The following SPECC1L variants were observed in gnomAD, a reference collection of about 807,000 sequenced individuals.
SPECC1L encodes the protein cytospin-A.
Under a neutral mutation model 116.8 loss-of-function variants are expected in SPECC1L, and 40 were observed. That is an observed-to-expected ratio of 0.34 (90% confidence interval 0.27 to 0.45). The LOEUF is 0.45. Ranked by LOEUF, SPECC1L falls within the 20% of genes least tolerant of loss-of-function variation. SPECC1L has a pLI of 1.00. For synonymous variants in SPECC1L, 504 were observed against 500.6 expected (o/e 1.01, Z -0.09); for missense variants, 1,110 against 1,373.6 (o/e 0.81, Z 3.03).
intron 2 of SPECC1L, among the ~76,000 whole-genome samples, chr22:24,283,453 C>G (rs1265853593): frequency 1.3e-5 from 2 of 152,108 alleles, no homozygotes; most frequent in African/African-American, 4.8e-5. Context: ...ATATATTATC[C>G]TTTTTTTCTA....
At chr22:24,409,102 A>G (rs1417038712) in intron 14 of SPECC1L, among the ~76,000 whole-genome samples, 1 of 152,262 alleles carries the variant, frequency 6.6e-6, no homozygotes, top group African/African-American at 2.4e-5. Flanking sequence ...CAGGATTCGT[A>G]AAGTGCTTTG....
chr22:24,380,836 C>T (rs1253722923), intron 14 of SPECC1L, among the ~76,000 whole-genome samples: 1 of 152,018 alleles, frequency 6.6e-6, no homozygotes. Flanking sequence ...GCTTTCAGTA[C>T]TATTGCTTTA....
intron 14 of SPECC1L, among the ~76,000 whole-genome samples, chr22:24,376,730 G>A (rs140785904): frequency 6.6e-6 from 1 of 151,982 alleles, no homozygotes; most frequent in African/African-American, 2.4e-5. Flanking sequence ...AAGTTTTGTT[G>A]AACGGCAGGA....
chr22:24,318,197 C>T (rs532599526), intron 4 of SPECC1L, among the ~76,000 whole-genome samples: 2 of 152,314 alleles, frequency 1.3e-5, no homozygotes, highest in South Asian at 2.1e-4. Flanking sequence ...TGTAGCAAGT[C>T]GAGATCACGC....
Position 24,414,738 on chromosome 22 carries a change from A to T in SPECC1L, c.*115A>T. 1 of 879,130 alleles carries T rather than the reference A, an allele frequency of 1.1e-6. No individual in the cohort carries two copies. 54.5% of individuals were successfully genotyped at this position (879,130 alleles called of 1,614,324 possible). ...GCTTCCAGCAACTCTGGGCTGCCCC[A>T]CAGCGTGTGAGCCTCCAGCTCGGGG... is the stretch of plus-strand genomic sequence containing the variant. On this transcript the variant is annotated 3_prime_UTR_variant, in exon 17 of 17. Transcript: ENST00000314328.
At chr22:24,315,955 C>G (rs1009070395) in intron 4 of SPECC1L, among the ~76,000 whole-genome samples, 1 of 152,220 alleles carries the variant, frequency 6.6e-6, no homozygotes. Context: ...AGGGCCCACC[C>G]TAATGACTTC....
intron 14 of SPECC1L, among the ~76,000 whole-genome samples, chr22:24,409,724 G>A (rs2042656123): frequency 6.6e-6 from 1 of 152,154 alleles, no homozygotes; most frequent in African/African-American, 2.4e-5. Context: ...TATGGAATAA[G>A]GTGCCCCTTA....
intron 4 of SPECC1L, among the ~76,000 whole-genome samples, chr22:24,316,864 G>A (rs1333572178): frequency 7.5e-6 from 1 of 133,408 alleles, no homozygotes; most frequent in African/African-American, 2.7e-5. Flanking sequence ...GCCGGGCAGA[G>A]GCGCCCCTCA....
chr22:24,334,014 G>GT (rs11398083), intron 8 of SPECC1L, among the ~76,000 whole-genome samples: 13,279 of 132,476 alleles, frequency 0.1, 1,440 homozygotes, highest in African/African-American at 0.27. Flanking sequence ...GTTTTTTGTT[G>GT]TTTTTTTTTT....
chr22:24,329,392 A>G (rs1410726082), intron 7 of SPECC1L, among the ~76,000 whole-genome samples: 1 of 152,228 alleles, frequency 6.6e-6, no homozygotes, highest in Admixed American at 6.5e-5. Context: ...AGTGTAAGAA[A>G]GGTTATTAGC....
intron 14 of SPECC1L, among the ~76,000 whole-genome samples, chr22:24,388,857 A>G (rs1053890631): frequency 1.3e-5 from 2 of 152,180 alleles, no homozygotes; most frequent in Non-Finnish European, 2.9e-5. Context: ...CTCCCGTACC[A>G]TACAACTCAC....
intron 2 of SPECC1L, among the ~76,000 whole-genome samples, chr22:24,290,382 A>G (rs1030430591): frequency 9.2e-5 from 14 of 152,168 alleles, no homozygotes; most frequent in Non-Finnish European, 5.9e-5. Context: ...ATAAGTCATA[A>G]CCGATATCGT....
intron 3 of SPECC1L, among the ~76,000 whole-genome samples, chr22:24,310,337 T>G (rs1223713596): frequency 6.6e-6 from 1 of 152,230 alleles, no homozygotes; most frequent in Non-Finnish European, 1.5e-5. Context: ...TGCATATGTA[T>G]TTTTGTATTA....
chr22:24,334,014 GT>G (rs11398083), intron 8 of SPECC1L, among the ~76,000 whole-genome samples: 104 of 132,512 alleles, frequency 7.8e-4, no homozygotes, highest in Non-Finnish European at 9.3e-4. Flanking sequence ...GTTTTTTGTT[GT>G]TTTTTTTTTT....
intron 9 of SPECC1L, among the ~76,000 whole-genome samples, chr22:24,336,859 G>A (rs572527701): frequency 1.3e-5 from 2 of 152,182 alleles, no homozygotes; most frequent in East Asian, 3.9e-4. Flanking sequence ...TTGATTTTTT[G>A]ACTTTACAGT....
At chr22:24,363,239 G>A in intron 11 of SPECC1L, 22 bp from the exon 12 acceptor site, 1 of 1,604,472 alleles carries the variant, frequency 6.2e-7, no homozygotes, top group Non-Finnish European at 8.5e-7. Flanking sequence ...TTCTTTATTG[G>A]GATTCTTTCT....
intron 1 of SPECC1L, among the ~76,000 whole-genome samples, chr22:24,274,590 T>G (rs1286680274): frequency 1.3e-5 from 2 of 152,236 alleles, no homozygotes; most frequent in African/African-American, 2.4e-5. Flanking sequence ...AATCTGTAAA[T>G]AAGAGAAGAG....
At chr22:24,271,955 C>T (rs987511158) in intron 1 of SPECC1L, among the ~76,000 whole-genome samples, 3 of 152,200 alleles carry the variant, frequency 2.0e-5, no homozygotes, top group African/African-American at 7.2e-5. Flanking sequence ...TAGGACACAT[C>T]TTGAGATGAA....
At position 24,272,722 on chromosome 22, in the gene SPECC1L, C is replaced by G. The variant is rs201510059; in HGVS notation, c.-142+1739C>G. Among the ~76,000 whole-genome samples, 104 of 150,174 alleles carry G rather than the reference C, an allele frequency of 6.9e-4. 1 individual carries two copies. The East Asian group carries it at 0.018, about 26-fold the overall frequency. ...ACATGTATGTTGTAAAATAACCAAA[C>G]CAACATAGAAGGGTATATAGTGAAA... On this transcript the variant is annotated intron_variant, in intron 1 of 16. Coordinates refer to ENST00000314328, the MANE Select transcript of SPECC1L (RefSeq NM_015330.6).
Sources: gnomAD v4.1 joint callset for allele counts (sites outside exome capture counted in the v4.1 genomes callset) on GRCh38, gnomAD v4.1.1 for gene constraint, MANE v1.5 for transcripts, NCBI Gene and HGNC (gene_info 2026-07-23, HGNC 2026-07-21) for gene names.